SYNE3: variants seen among roughly 807,000 people sequenced by gnomAD.
The protein encoded by SYNE3 is spectrin repeat containing nuclear envelope family member 3, also known as nesprin-3.
A neutral mutation model predicts 111.2 loss-of-function variants in SYNE3; 100 were observed. The ratio of observed to expected loss-of-function variants is 0.90; its 90% CI spans 0.77 to 1.06. SYNE3 has a LOEUF of 1.06. Ranked by LOEUF, SYNE3 falls within the 50% of genes least tolerant of loss-of-function variation. The probability of loss-of-function intolerance (pLI) is 0.00; values close to 1 mark genes in which losing one functional copy is unlikely to be tolerated. For missense variants in SYNE3, 1,160 were observed against 1,240.3 expected, an observed-to-expected ratio of 0.94 and a Z score of 0.97; for synonymous variants, 547 against 533.9, an observed-to-expected ratio of 1.02 and a Z score of -0.34.
Position 95,418,004 on chromosome 14 carries a change from C to G in SYNE3, c.2750G>C (p.Gly917Ala), listed in dbSNP as rs1903640266. 6.2e-7 allele frequency: 1 copy of G among 1,611,104 alleles called. No individual in the cohort carries two copies. Among genetic ancestry groups the G allele is most frequent in the South Asian group, 1.1e-5 (1 of 90,962 alleles). ...ACAGCACGCCCTCCGGAAGAGGGAG[C>G]CCAGTCCTCGCCACCGCCGAGTCTG... Reference protein sequence around the residue: ...FQKTRRWRGLGSLFRRACCVA... With the variant: ...FQKTRRWRGLASLFRRACCVA... The change falls in exon 18 of 18, where the codon GGC (glycine) becomes GCC (alanine). Residue 917 changes from glycine to alanine, a missense_variant. Transcript: ENST00000682763.
chr14:95,422,112 A>C (rs542800622), intron 17 of SYNE3, among the ~76,000 whole-genome samples: 1 of 152,268 alleles, frequency 6.6e-6, no homozygotes, highest in African/African-American at 2.4e-5. Flanking sequence ...AACCATGAAT[A>C]TAAGGCTCCT....
chr14:95,506,486 C>A (rs2139608415), intron 1 of SYNE3, among the ~76,000 whole-genome samples: 1 of 152,376 alleles, frequency 6.6e-6, no homozygotes, highest in Admixed American at 6.5e-5. Context: ...CTTCCTAGAC[C>A]TGCCAGGGCA....
chr14:95,455,328 T>C, intron 6 of SYNE3, 49 bp downstream of exon 6: 2 of 1,429,190 alleles, frequency 1.4e-6, no homozygotes, highest in Non-Finnish European at 1.9e-6. Context: ...GCCAGGACCC[T>C]GGGCACAGAC....
chr14:95,472,873 C>T (rs138852260), intron 2 of SYNE3, among the ~76,000 whole-genome samples: 6 of 152,140 alleles, frequency 3.9e-5, no homozygotes, highest in Non-Finnish European at 8.8e-5. Flanking sequence ...CATGAGGTCC[C>T]GGGAAGGCAT....
At chr14:95,433,876 G>A (rs959356167) in intron 15 of SYNE3, among the ~76,000 whole-genome samples, 2 of 152,156 alleles carry the variant, frequency 1.3e-5, no homozygotes, top group African/African-American at 2.4e-5. Context: ...TGATGGGGCA[G>A]TAGGAGCGGG....
At chr14:95,419,945 T>G (rs1239150873) in intron 17 of SYNE3, among the ~76,000 whole-genome samples, 1 of 236 alleles carries the variant, frequency 4.2e-3, no homozygotes, top group African/African-American at 0.011. Context: ...GAAGAAGCAC[T>G]GTTAAATGTA....
intron 17 of SYNE3, among the ~76,000 whole-genome samples, chr14:95,421,671 A>T (rs1223450870): frequency 2.0e-5 from 3 of 152,222 alleles, no homozygotes; most frequent in African/African-American, 7.2e-5. Flanking sequence ...GGTGTGGGGC[A>T]GAGAGGCAGC....
chr14:95,480,206 G>A (rs372316722), intron 1 of SYNE3, among the ~76,000 whole-genome samples: 3 of 152,228 alleles, frequency 2.0e-5, no homozygotes, highest in East Asian at 1.9e-4. Context: ...TGCAGGCAGC[G>A]GGAGAGTAGG....
Position 95,445,972 on chromosome 14 carries a change from T to A in SYNE3, c.1569A>T (p.Ala523=), listed in dbSNP as rs1281524923. Residue 523 remains alanine (A), a synonymous_variant, in exon 9 of 18, where the codon GCA becomes GCT. Transcript: ENST00000682763. ...ERATALLEQV[A]GSMRDRDLLH... The stretch of plus-strand genomic sequence containing the variant: ...GCAGGTCTCTGTCCCTCATGGAACC[T>A]GCCACCTGCTCCAGGAGTGCCGTGG... 1.2e-5 allele frequency: 19 copies of A among 1,614,036 alleles called. No homozygotes were observed. Among genetic ancestry groups the A allele is most frequent in the Non-Finnish European group, 1.5e-5 (18 of 1,180,042 alleles).
At chr14:95,447,671 C>G (rs1050906158) in intron 8 of SYNE3, among the ~76,000 whole-genome samples, 27 of 152,158 alleles carry the variant, frequency 1.8e-4, no homozygotes, top group Non-Finnish European at 3.1e-4. Flanking sequence ...AGAGGTCAAG[C>G]CTCTCACTGT....
intron 2 of SYNE3, among the ~76,000 whole-genome samples, chr14:95,471,237 G>A (rs1374837075): frequency 6.6e-6 from 1 of 152,200 alleles, no homozygotes; most frequent in Non-Finnish European, 1.5e-5. Context: ...GGGAAGAAGT[G>A]AAATTCCATC....
intron 5 of SYNE3, among the ~76,000 whole-genome samples, chr14:95,456,837 C>G (rs1887471912): frequency 6.6e-6 from 1 of 152,144 alleles, no homozygotes; most frequent in African/African-American, 2.4e-5. Context: ...GTAATCGCAG[C>G]ACTTTGGGAG....
At chr14:95,460,307 C>T (rs577224632) in intron 4 of SYNE3, among the ~76,000 whole-genome samples, 22 of 150,172 alleles carry the variant, frequency 1.5e-4, no homozygotes, top group Non-Finnish European at 2.5e-4. Flanking sequence ...TGGGTTCAAG[C>T]GATTCTCGTG....
At position 95,446,026 on chromosome 14, in the gene SYNE3, GA is replaced by G. The variant is rs773092090; in HGVS notation, c.1514del (p.Leu505ProfsTer2). Reference protein sequence around the residue: ...LLTMLQLKKDLLIGIFGQERA... With the variant: ...LLTMLQLKKDXLIGIFGQERA... Reference sequence around the variant, plus strand: ...TCTCCTGGCCAAAGATGCCAATCAGGAGGTCTTTCTTCAGCTGCAGCATCGT... The same window carrying G: ...TCTCCTGGCCAAAGATGCCAATCAGGGGTCTTTCTTCAGCTGCAGCATCGT... On this transcript the variant is annotated frameshift_variant, in exon 9 of 18. Transcript: ENST00000682763. LOFTEE classifies it high-confidence loss of function. 2.4e-5 allele frequency: 39 copies of G among 1,614,020 alleles called. No individual in the cohort carries two copies. The highest frequency in any genetic ancestry group is 3.1e-5 in the Non-Finnish European group (37 of 1,180,042).
rs537759424 is a variant in SYNE3 at position 95,500,888 on chromosome 14, C to T, written c.-15+15708G>A. Among the ~76,000 whole-genome samples, 5 of 152,282 alleles carry T rather than the reference C, an allele frequency of 3.3e-5. No homozygotes were observed. The East Asian group carries it at 9.7e-4, about 29-fold the overall frequency. On this transcript the variant is annotated intron_variant, in intron 1 of 17. Coordinates refer to ENST00000682763, the MANE Select transcript of SYNE3 (RefSeq NM_152592.6). The surrounding 1 kb of genome is among the most constrained non-coding windows in gnomAD (Gnocchi z 4.7). ...CAGTGGGGGATCGGGGGCGGTGAAGCGGGAGGGACACACGCTTGCTTCCCA... is the reference window on the plus strand; with the variant it reads ...CAGTGGGGGATCGGGGGCGGTGAAGTGGGAGGGACACACGCTTGCTTCCCA...
At chr14:95,488,262 C>T (rs574655585) in intron 1 of SYNE3, among the ~76,000 whole-genome samples, 3 of 152,278 alleles carry the variant, frequency 2.0e-5, no homozygotes, top group African/African-American at 4.8e-5. Flanking sequence ...GTCAACTGTA[C>T]TCTTTTTAGA....
chr14:95,449,975 G>C lies in SYNE3; in HGVS notation c.1405C>G (p.Leu469Val), dbSNP rs1018246622. 1 of 1,554,972 alleles carries C rather than the reference G, an allele frequency of 6.4e-7. No individual in the cohort carries two copies. Among genetic ancestry groups the C allele is most frequent in the Admixed American group, 1.9e-5 (1 of 51,544 alleles). The change falls in exon 8 of 18, where the codon CTG (leucine) becomes GTG (valine). Residue 469 changes from leucine (L) to valine (V), a missense_variant. Leu to Val is a conservative substitution (Grantham distance 32, BLOSUM62 1). Transcript: ENST00000682763. ...AQRLLEVTAS[L>V]PDLPSLHTFL... is the part of the protein sequence containing the mutation. ...GTGTGAAGGGAAGGCAGGTCCGGCA[G>C]GCTGGCAGTGACCTCCAAGAGCCGC...
At chr14:95,423,671 G>C (rs1187761) in intron 17 of SYNE3, among the ~76,000 whole-genome samples, 2 of 85,828 alleles carry the variant, frequency 2.3e-5, no homozygotes. Context: ...ATTTGATGGG[G>C]ATGGGGATTT....
chr14:95,407,483 C>T lies in SYNE3; in HGVS notation c.*10343G>A, dbSNP rs1244737414. The T allele has an allele frequency of 6.6e-6, 1 of 152,080 alleles. No homozygotes were observed. Among genetic ancestry groups the T allele is most frequent in the Non-Finnish European group, 1.5e-5 (1 of 68,024 alleles). The allele number at this position is 152,080 out of a possible 1,614,324, so 9.4% of individuals were successfully genotyped here. A position where few individuals can be genotyped will look rare whatever the true frequency, so the allele number is the denominator to read the frequency against. ...GTTCCTCCCTGGATGGCGGGGAAGG[C>T]TCCATTAGCTTTGGACTTGATATGA... On this transcript the variant is annotated 3_prime_UTR_variant, in exon 18 of 18. Coordinates refer to ENST00000682763, the MANE Select transcript of SYNE3 (RefSeq NM_152592.6).
Sources: gnomAD v4.1 joint callset for allele counts (sites outside exome capture counted in the v4.1 genomes callset) on GRCh38, gnomAD v4.1.1 for gene constraint, Gnocchi (gnomAD v3.1) non-coding constraint, MANE v1.5 for transcripts, NCBI Gene and HGNC (gene_info 2026-07-23, HGNC 2026-07-21) for gene names.